Variants in PATJ observed in about 807,000 individuals in gnomAD.
PATJ encodes the protein inaD-like protein.
PATJ carries 190 observed loss-of-function variants against 224.9 expected under a neutral mutation model. That is an observed-to-expected ratio of 0.84 (90% CI 0.75 to 0.95). PATJ has a LOEUF of 0.95. Among genes scored for constraint, PATJ ranks in the 40% least tolerant of loss-of-function variants. The probability of loss-of-function intolerance (pLI) is 0.00; values close to 1 mark genes in which losing one functional copy is unlikely to be tolerated. For synonymous variants in PATJ, 769 were observed against 820.3 expected (o/e 0.94, Z 1.07); for missense variants, 2,121 against 2,270.3 (o/e 0.93, Z 1.34).
intron 27 of PATJ, among the ~76,000 whole-genome samples, chr1:61,973,653 C>A (rs868570944): frequency 1.3e-5 from 2 of 152,054 alleles, no homozygotes; most frequent in African/African-American, 2.4e-5. Context: ...GCAAACTTAG[C>A]CCAACCCCAG....
At chr1:61,944,745 A>G (rs978952275) in intron 27 of PATJ, among the ~76,000 whole-genome samples, 33 of 152,192 alleles carry the variant, frequency 2.2e-4, no homozygotes, top group African/African-American at 8.0e-4. Flanking sequence ...GATACTCCTC[A>G]AGAAGAGCAA....
Position 61,864,396 on chromosome 1 carries a change from A to T in PATJ, c.2598A>T (p.Glu866Asp). ...FLTPRLQEMD[E>D]EREILVDEEY... ...CTCCTAGATTGCAGGAAATGGATGA[A>T]GAAAGAGAAATTCTTGTTGATGAAG... The change falls in exon 20 of 44, where the codon GAA (glutamate) becomes GAT (aspartate). Residue 866 changes from glutamate (E) to aspartate (D), a missense_variant. Coordinates refer to ENST00000642238, the MANE Select transcript of PATJ (RefSeq NM_001350145.3). 1 of 1,614,068 alleles carries T rather than the reference A, an allele frequency of 6.2e-7. No homozygotes were observed. Among genetic ancestry groups the T allele is most frequent in the South Asian group, 1.1e-5 (1 of 91,072 alleles).
chr1:62,077,675 G>A (rs1303114514), intron 31 of PATJ, among the ~76,000 whole-genome samples: 1 of 129,268 alleles, frequency 7.7e-6, no homozygotes, highest in Non-Finnish European at 1.6e-5. Flanking sequence ...GTGACAGAGT[G>A]AGACCCTGTC....
At chr1:62,063,099 G>A (rs1655833686) in intron 31 of PATJ, among the ~76,000 whole-genome samples, 1 of 152,112 alleles carries the variant, frequency 6.6e-6, no homozygotes, top group Non-Finnish European at 1.5e-5. Context: ...TGTACAGAAG[G>A]GCATTTCCTA....
intron 13 of PATJ, 119 bp downstream of exon 13, chr1:61,805,643 C>T (rs1423021147): frequency 1.6e-6 from 1 of 644,780 alleles, no homozygotes; most frequent in Non-Finnish European, 2.7e-6. Context: ...ATTTTTCCTT[C>T]CTGCCTTTCT....
At chr1:62,097,380 G>C (rs1313489226) in intron 33 of PATJ, among the ~76,000 whole-genome samples, 2 of 152,100 alleles carry the variant, frequency 1.3e-5, no homozygotes, top group African/African-American at 4.8e-5. Context: ...AATCCAATCT[G>C]ACCAATAGTG....
chr1:61,794,834 G>T (rs958331494), intron 9 of PATJ, among the ~76,000 whole-genome samples: 8 of 151,784 alleles, frequency 5.3e-5, no homozygotes, highest in Admixed American at 4.6e-4. Flanking sequence ...CTAAAATTAC[G>T]AAAGTTATCT....
chr1:62,025,390 T>C (rs959486245), intron 29 of PATJ, among the ~76,000 whole-genome samples: 3 of 152,206 alleles, frequency 2.0e-5, no homozygotes, highest in African/African-American at 4.8e-5. Flanking sequence ...AGTTTGTCCC[T>C]GAGGGTGAGG....
intron 9 of PATJ, among the ~76,000 whole-genome samples, chr1:61,791,702 CTT>C (rs1316232210): frequency 1.3e-5 from 2 of 151,926 alleles, no homozygotes; most frequent in African/African-American, 4.8e-5. Flanking sequence ...TGTATCTTCT[CTT>C]GTTTGTAAAA....
intron 30 of PATJ, chr1:62,039,010 C>G: frequency 8.3e-7 from 1 of 1,205,236 alleles, no homozygotes; most frequent in Non-Finnish European, 1.2e-6. Flanking sequence ...AACCTCTGAC[C>G]CCACTGATAC....
intron 1 of PATJ, among the ~76,000 whole-genome samples, chr1:61,745,050 G>A (rs993120220): frequency 5.3e-5 from 8 of 152,156 alleles, no homozygotes; most frequent in Non-Finnish European, 1.2e-4. Context: ...TTCAGATATT[G>A]AGAAGCTCTC....
intron 31 of PATJ, among the ~76,000 whole-genome samples, chr1:62,070,786 CAGTT>C (rs1293328880): frequency 6.6e-6 from 1 of 152,118 alleles, no homozygotes. Context: ...CCCCAAAAAT[CAGTT>C]AGAAAGTAGG....
At chr1:61,888,174 C>T (rs1165018616) in intron 22 of PATJ, among the ~76,000 whole-genome samples, 1 of 152,170 alleles carries the variant, frequency 6.6e-6, no homozygotes, top group Non-Finnish European at 1.5e-5. Flanking sequence ...TCTGGGGAAA[C>T]GCACAGTGAT....
intron 29 of PATJ, among the ~76,000 whole-genome samples, chr1:62,021,378 C>T (rs1342782316): frequency 8.5e-5 from 13 of 152,126 alleles, no homozygotes; most frequent in Admixed American, 8.5e-4. Context: ...TAGGTTTCAA[C>T]AAATGAATTT....
In PATJ at chr1:62,019,206, T is replaced by C. The variant is rs191411194; in HGVS notation, c.3959+1259T>C. 9.7e-3 allele frequency among the ~76,000 whole-genome samples: 1,369 copies of C among 141,476 alleles called. 22 individuals carry two copies. The highest frequency in any genetic ancestry group is 0.034 in the African/African-American group (1,268 of 37,312). The allele number at this position is 141,476 out of a possible 152,430, so 92.8% of individuals were successfully genotyped here. A position where few individuals can be genotyped will look rare whatever the true frequency, so the allele number is the denominator to read the frequency against. On this transcript the variant is annotated intron_variant, in intron 29 of 43. Coordinates refer to ENST00000642238, the MANE Select transcript of PATJ (RefSeq NM_001350145.3). ...GCTGCAGTGAGCTGAGATCGCACCA[T>C]TGCACTCCAGCCTGGACGACAGAGA...
chr1:62,116,475 A>T (rs1405896661), intron 35 of PATJ, 57 bp from the exon 36 acceptor site: 1 of 1,581,744 alleles, frequency 6.3e-7, no homozygotes, highest in Non-Finnish European at 8.6e-7. Context: ...ACACACACGT[A>T]TTATGCATGG....
intron 33 of PATJ, among the ~76,000 whole-genome samples, chr1:62,102,933 G>A (rs1662392269): frequency 6.6e-6 from 1 of 150,520 alleles, no homozygotes; most frequent in Non-Finnish European, 1.5e-5. Flanking sequence ...GGGGGCCTAT[G>A]CATCATGCTT....
chr1:61,808,380 A>G, intron 13 of PATJ, 94 bp from the exon 14 acceptor site: 1 of 734,112 alleles, frequency 1.4e-6, no homozygotes, highest in South Asian at 1.6e-5. Flanking sequence ...AAATAGAGTT[A>G]TCAATATATA....
intron 11 of PATJ, among the ~76,000 whole-genome samples, chr1:61,800,719 A>G (rs1035619620): frequency 6.6e-6 from 1 of 152,002 alleles, no homozygotes; most frequent in Non-Finnish European, 1.5e-5. Flanking sequence ...TCCTAATGCT[A>G]TCCCTCCCCT....
Sources: gnomAD v4.1 joint callset for allele counts (sites outside exome capture counted in the v4.1 genomes callset) on GRCh38, gnomAD v4.1.1 for gene constraint, MANE v1.5 for transcripts, NCBI Gene and HGNC (gene_info 2026-07-23, HGNC 2026-07-21) for gene names.